Variants in RPS6KA2 observed in about 807,000 individuals in gnomAD.
RPS6KA2 encodes the protein ribosomal protein S6 kinase alpha-2.
RPS6KA2 carries 42 observed loss-of-function variants against 91.8 expected under a neutral mutation model. The ratio of observed to expected loss-of-function variants is 0.46; its 90% CI spans 0.36 to 0.59. The LOEUF is 0.59. Ranked by LOEUF, RPS6KA2 falls within the 20% of genes least tolerant of loss-of-function variation. The pLI, the probability that RPS6KA2 is intolerant of heterozygous loss-of-function variation, is 0.00. For missense variants in RPS6KA2, 798 were observed against 978.5 expected, an observed-to-expected ratio of 0.82 and a Z score of 2.46; for synonymous variants, 414 against 393.6, an observed-to-expected ratio of 1.05 and a Z score of -0.61.
At chr6:166,802,274 T>TAA (rs879452802) in intron 2 of RPS6KA2, among the ~76,000 whole-genome samples, 9 of 86,864 alleles carry the variant, frequency 1.0e-4, no homozygotes, top group African/African-American at 3.8e-4. Flanking sequence ...CGTCTCAAAA[T>TAA]AAAAAAAAAA....
At position 166,494,203 on chromosome 6, in the gene RPS6KA2, C is replaced by A. The variant is rs1450695434; in HGVS notation, c.748-3462G>T. Among the ~76,000 whole-genome samples, 1 of 152,112 alleles carries A rather than the reference C, an allele frequency of 6.6e-6. No homozygotes were observed. Among genetic ancestry groups the A allele is most frequent in the African/African-American group, 2.4e-5 (1 of 41,400 alleles). Reference sequence around the variant, plus strand: ...TCTCGGAGAGCTGTGTTGATCCATGCCCATGTGTGGAGGTCCCTGTGTGCA... The same window carrying A: ...TCTCGGAGAGCTGTGTTGATCCATGACCATGTGTGGAGGTCCCTGTGTGCA... On this transcript the variant is annotated intron_variant, in intron 8 of 20. Coordinates refer to ENST00000265678, the MANE Select transcript of RPS6KA2 (RefSeq NM_021135.6). This position sits in a 1 kb window ranked among gnomAD's most constrained non-coding sequence, Gnocchi z 5.1.
At chr6:166,679,672 C>T (rs1329838289) in intron 2 of RPS6KA2, among the ~76,000 whole-genome samples, 1 of 152,210 alleles carries the variant, frequency 6.6e-6, no homozygotes, top group Non-Finnish European at 1.5e-5. Context: ...TCGAGGAGCC[C>T]TTCAGCCCGC....
At chr6:166,629,196 C>T (rs3829842), upstream of RPS6KA2, among the ~76,000 whole-genome samples, 42,617 of 152,194 alleles carry the variant, frequency 0.28, 6,081 homozygotes, top group East Asian at 0.42. Flanking sequence ...CCATGCTTCC[C>T]TCGGAAGGGG....
intron 2 of RPS6KA2, among the ~76,000 whole-genome samples, chr6:166,854,895 C>T (rs1030584659): frequency 1.3e-5 from 2 of 152,224 alleles, no homozygotes; most frequent in Non-Finnish European, 2.9e-5. Context: ...CTTCACTTAT[C>T]TGTTTATCAC....
At chr6:166,627,329 C>A, upstream of RPS6KA2, 1 of 643,174 alleles carries the variant, frequency 1.6e-6, no homozygotes, top group Non-Finnish European at 1.9e-6. Context: ...CTCCGCGCCC[C>A]GGCACGCACA....
chr6:166,590,491 C>A (rs774715131), intron 1 of RPS6KA2, among the ~76,000 whole-genome samples: 3 of 152,154 alleles, frequency 2.0e-5, no homozygotes, highest in African/African-American at 7.2e-5. Context: ...ACCATGCCAT[C>A]AGCCTGCCCC....
intron 1 of RPS6KA2, among the ~76,000 whole-genome samples, chr6:166,858,567 TG>T (rs1562474699): frequency 6.6e-6 from 1 of 152,186 alleles, no homozygotes; most frequent in Non-Finnish European, 1.5e-5. Flanking sequence ...GACGACAAGG[TG>T]ATTCTTGCCA....
At chr6:166,808,040 C>T (rs1276256522) in intron 2 of RPS6KA2, among the ~76,000 whole-genome samples, 1 of 151,624 alleles carries the variant, frequency 6.6e-6, no homozygotes, top group East Asian at 1.9e-4. Context: ...CCTGGGAGTG[C>T]AGAGCTCCCA....
At chr6:166,547,725 T>C (rs1337281844) in intron 1 of RPS6KA2, among the ~76,000 whole-genome samples, 2 of 152,198 alleles carry the variant, frequency 1.3e-5, no homozygotes, top group African/African-American at 2.4e-5. Flanking sequence ...ATATTAATTG[T>C]GATAGAGAGT....
intron 2 of RPS6KA2, among the ~76,000 whole-genome samples, chr6:166,783,282 T>G (rs1016087189): frequency 2.6e-5 from 4 of 151,796 alleles, no homozygotes; most frequent in African/African-American, 7.3e-5. Context: ...TAAAGTAGAT[T>G]ACCTTCGTAA....
intron 1 of RPS6KA2, among the ~76,000 whole-genome samples, chr6:166,610,611 C>T (rs1786136819): frequency 6.6e-6 from 1 of 152,166 alleles, no homozygotes; most frequent in South Asian, 2.1e-4. Context: ...TTACCTTCTC[C>T]GTTGTTTCCT....
At chr6:166,707,883 A>ACTCTGGG (rs1175765343) in intron 2 of RPS6KA2, among the ~76,000 whole-genome samples, 11 of 152,064 alleles carry the variant, frequency 7.2e-5, no homozygotes, top group African/African-American at 2.7e-4. Context: ...AGCTGGAACT[A>ACTCTGGG]CAGGTGTGCA....
At chr6:166,458,898 A>C (rs887810856) in intron 12 of RPS6KA2, among the ~76,000 whole-genome samples, 1 of 152,240 alleles carries the variant, frequency 6.6e-6, no homozygotes, top group South Asian at 2.1e-4. Flanking sequence ...CCAAAAAGAT[A>C]ACTTTTAAAG....
chr6:166,599,897 T>C (rs753428644), intron 1 of RPS6KA2, among the ~76,000 whole-genome samples: 7 of 152,096 alleles, frequency 4.6e-5, no homozygotes, highest in Non-Finnish European at 7.4e-5. Flanking sequence ...AGCCACCATC[T>C]CCCTGAGCCC....
chr6:166,716,035 C>CAAA (rs141709524), intron 2 of RPS6KA2, among the ~76,000 whole-genome samples: 8 of 89,768 alleles, frequency 8.9e-5, no homozygotes, highest in African/African-American at 2.6e-4. Context: ...GAGACTCCAT[C>CAAA]AAAAAAAAAA....
intron 2 of RPS6KA2, among the ~76,000 whole-genome samples, chr6:166,835,420 T>G (rs1028188735): frequency 6.6e-6 from 1 of 152,236 alleles, no homozygotes; most frequent in South Asian, 2.1e-4. Context: ...GACCTTAGCC[T>G]GCATTATTCA....
intron 2 of RPS6KA2, among the ~76,000 whole-genome samples, chr6:166,723,689 T>TTTTTC (rs1323002380): frequency 1.3e-5 from 2 of 148,702 alleles, no homozygotes; most frequent in Non-Finnish European, 1.5e-5. Context: ...CCTTTTTCTT[T>TTTTTC]TTTTCTTTTC....
intron 1 of RPS6KA2, among the ~76,000 whole-genome samples, chr6:166,859,323 T>A (rs9347163): frequency 0.77 from 117,115 of 152,168 alleles, 49,442 homozygotes; most frequent in Non-Finnish European, 0.93. Context: ...GTGGGCTGGC[T>A]TATGGACTTG....
intron 1 of RPS6KA2, among the ~76,000 whole-genome samples, chr6:166,550,783 A>C (rs1161803613): frequency 6.6e-6 from 1 of 152,068 alleles, no homozygotes; most frequent in Non-Finnish European, 1.5e-5. Context: ...CGGTCAGATC[A>C]CAAGGTCAGG....
Sources: allele counts gnomAD v4.1 joint callset (sites outside exome capture counted in the v4.1 genomes callset), GRCh38; gene constraint gnomAD v4.1.1; non-coding constraint Gnocchi (gnomAD v3.1); transcripts MANE v1.5; gene names NCBI Gene and HGNC (gene_info 2026-07-23, HGNC 2026-07-21).